Variants in MILR1 observed in about 807,000 individuals in gnomAD.
MILR1 encodes allergin-1.
A neutral mutation model predicts 18.5 loss-of-function variants in MILR1; 31 were observed. The observed-to-expected ratio is 1.68, with a 90% CI of 1.26 to 2.26. The LOEUF (loss-of-function observed/expected upper bound fraction) is 2.26, where lower values mean the gene tolerates loss of function less well. MILR1 is among the 30% of genes most tolerant of loss of function. The probability of loss-of-function intolerance (pLI) is 0.00; values close to 1 mark genes in which losing one functional copy is unlikely to be tolerated. For missense variants in MILR1, 257 were observed against 157.4 expected (o/e 1.63, Z -3.38); for synonymous variants, 85 against 56.2 (o/e 1.51, Z -2.30).
intron 3 of MILR1, among the ~76,000 whole-genome samples, chr17:64,455,671 A>G (rs9890781): frequency 0.019 from 2,823 of 144,984 alleles, 85 homozygotes; most frequent in African/African-American, 0.067. Context: ...CATGTTAGCC[A>G]GGATGGTCTC....
downstream of MILR1, among the ~76,000 whole-genome samples, chr17:64,470,917 C>T (rs919992814): frequency 6.6e-6 from 1 of 152,192 alleles, no homozygotes. Context: ...GGAATGCTGG[C>T]GTCCACTAGT....
the MILR1 span, among the ~76,000 whole-genome samples, chr17:64,486,400 A>G: frequency 0.012 from 1,754 of 149,492 alleles, 29 homozygotes; most frequent in Non-Finnish European, 0.019. Context: ...TCGCTCTGTC[A>G]CCCAGGCTGG....
chr17:64,464,907 G>C (rs1470955115), intron 5 of MILR1, among the ~76,000 whole-genome samples: 12 of 152,104 alleles, frequency 7.9e-5, no homozygotes, highest in Non-Finnish European at 1.6e-4. Flanking sequence ...CTGGGCAACA[G>C]AGCAAGACTC....
chr17:64,452,501 C>A, intron 2 of MILR1, 96 bp from the exon 3 acceptor site: 1 of 408,144 alleles, frequency 2.5e-6, no homozygotes, highest in Admixed American at 4.4e-5. Context: ...GATCCACCTG[C>A]CTCGGCCGCC....
chr17:64,466,476 G>A lies in MILR1; in HGVS notation c.888G>A (p.Pro296=), dbSNP rs146008785. 75 of 1,613,666 alleles carry A rather than the reference G, an allele frequency of 4.6e-5. No individual in the cohort carries two copies. The Middle Eastern group carries it at 6.6e-4, about 14-fold the overall frequency. The stretch of plus-strand genomic sequence containing the variant: ...CTGTGCCAGAAGTGGGATCCAGGCC[G>A]TGTGTTTCCACAGCCCAAGATGGTG... ...EESVPEVGSR[P]CVSTAQDEAK... The change falls in exon 7 of 10, where the codon CCG becomes CCA. Residue 296 remains proline (P), a synonymous_variant. Transcript: ENST00000619286.
At chr17:64,495,019 A>C in the MILR1 span, among the ~76,000 whole-genome samples, 1 of 151,908 alleles carries the variant, frequency 6.6e-6, no homozygotes, top group Admixed American at 6.6e-5. Flanking sequence ...TAAAAATACA[A>C]AAAATTAGCC....
At chr17:64,468,701 A>G (rs1158640542), downstream of MILR1, 13 of 989,142 alleles carry the variant, frequency 1.3e-5, no homozygotes, top group South Asian at 3.0e-5. Flanking sequence ...TGGCATCTCC[A>G]TGATCTTTTC....
chr17:64,497,110 G>A, the MILR1 span: 6 of 838,702 alleles, frequency 7.2e-6, no homozygotes, highest in Non-Finnish European at 1.2e-5. Context: ...CCCCACCCCG[G>A]AAGCGCATGT....
At chr17:64,493,606 T>G in the MILR1 span, among the ~76,000 whole-genome samples, 2 of 151,946 alleles carry the variant, frequency 1.3e-5, no homozygotes, top group African/African-American at 4.8e-5. Flanking sequence ...TGCCTCAGCC[T>G]CCCGAGTAGC....
At chr17:64,497,089 C>T in the MILR1 span, 21 of 1,058,984 alleles carry the variant, frequency 2.0e-5, no homozygotes, top group Non-Finnish European at 5.7e-6. Flanking sequence ...AGCGTGCTTG[C>T]GGGCGGCAGG....
chr17:64,477,701 T>C, the MILR1 span: 2 of 1,102,444 alleles, frequency 1.8e-6, no homozygotes, highest in African/African-American at 1.6e-5. Flanking sequence ...ATATAAACAC[T>C]GAATGAAAGC....
chr17:64,495,463 C>T, the MILR1 span, among the ~76,000 whole-genome samples: 2 of 151,842 alleles, frequency 1.3e-5, no homozygotes, highest in African/African-American at 4.8e-5. Flanking sequence ...GCCTGTAGTC[C>T]AGCTACTTGG....
chr17:64,475,485 C>T, the MILR1 span, among the ~76,000 whole-genome samples: 2 of 151,586 alleles, frequency 1.3e-5, no homozygotes, highest in Admixed American at 6.6e-5. Flanking sequence ...CCCATCTCTA[C>T]TAAAAATACA....
At chr17:64,482,705 T>A in the MILR1 span, among the ~76,000 whole-genome samples, 1 of 152,184 alleles carries the variant, frequency 6.6e-6, no homozygotes, top group Admixed American at 6.5e-5. Context: ...AGGTTGAGCA[T>A]CCCTAATCAG....
At chr17:64,466,327 A>G in intron 6 of MILR1, 115 bp from the exon 7 acceptor site, 1 of 833,300 alleles carries the variant, frequency 1.2e-6, no homozygotes. Context: ...ATCAGCTGAC[A>G]ATGGAACAGT....
chr17:64,455,732 C>T (rs2144024690), intron 3 of MILR1, among the ~76,000 whole-genome samples: 1 of 151,200 alleles, frequency 6.6e-6, no homozygotes, highest in South Asian at 2.1e-4. Context: ...AGTGCTCACT[C>T]ATCAAATGTT....
At chr17:64,473,512 T>C (rs1431409295), downstream of MILR1, among the ~76,000 whole-genome samples, 3 of 152,084 alleles carry the variant, frequency 2.0e-5, no homozygotes, top group Non-Finnish European at 2.9e-5. Context: ...GACTAGTGCC[T>C]TACCTCTGAC....
chr17:64,463,596 G>T (rs985997265), intron 5 of MILR1, among the ~76,000 whole-genome samples: 89 of 152,280 alleles, frequency 5.8e-4, no homozygotes, highest in African/African-American at 2.1e-3. Flanking sequence ...ACTCAGAGAA[G>T]TCAGGGACTC....
chr17:64,482,889 T>G, the MILR1 span: 58 of 1,236,666 alleles, frequency 4.7e-5, no homozygotes, highest in African/African-American at 1.8e-5. Flanking sequence ...AATCTGTAAT[T>G]AAAATGACAT....
Sources: gnomAD v4.1 joint callset for allele counts (sites outside exome capture counted in the v4.1 genomes callset) on GRCh38, gnomAD v4.1.1 for gene constraint, MANE v1.5 for transcripts, NCBI Gene and HGNC (gene_info 2026-07-23, HGNC 2026-07-21) for gene names.